Variants in BTBD16 observed in about 807,000 individuals in gnomAD.
BTBD16 encodes the protein BTB domain containing 16.
A neutral mutation model predicts 67.4 loss-of-function variants in BTBD16; 66 were observed. The ratio of observed to expected loss-of-function variants is 0.98; its 90% CI spans 0.80 to 1.20. The LOEUF is 1.20. Ranked by LOEUF, BTBD16 falls within the 50% of genes most tolerant of loss-of-function variation. BTBD16 has a pLI of 0.00. For synonymous variants in BTBD16, 242 were observed against 236.4 expected (o/e 1.02, Z -0.22); for missense variants, 634 against 616.0 (o/e 1.03, Z -0.31).
At chr10:122,284,673 A>AT (rs60823097) in intron 4 of BTBD16, among the ~76,000 whole-genome samples, 2,419 of 124,460 alleles carry the variant, frequency 0.019, 40 homozygotes, top group African/African-American at 0.046. Context: ...CTTAAAGTGG[A>AT]TTTTTTTTTT....
At chr10:122,291,054 T>G (rs758919125) in intron 6 of BTBD16, 26 bp from the exon 7 acceptor site, 6 of 1,601,064 alleles carry the variant, frequency 3.7e-6, no homozygotes, top group Non-Finnish European at 5.1e-6. Flanking sequence ...CCCACACAGA[T>G]GGCTCGCTTG....
chr10:122,305,756 T>G (rs1194753430), intron 9 of BTBD16, among the ~76,000 whole-genome samples: 1 of 152,206 alleles, frequency 6.6e-6, no homozygotes, highest in Non-Finnish European at 1.5e-5. Flanking sequence ...CACCATCAGG[T>G]AGGCCCTGTG....
chr10:122,294,144 C>G, intron 7 of BTBD16: 1 of 985,418 alleles, frequency 1.0e-6, no homozygotes, highest in Non-Finnish European at 1.2e-6. Context: ...GAGGCCAGGG[C>G]GGGCCTGCAC....
intron 11 of BTBD16, among the ~76,000 whole-genome samples, chr10:122,330,204 T>C (rs2133317514): frequency 6.6e-6 from 1 of 152,258 alleles, no homozygotes; most frequent in South Asian, 2.1e-4. Context: ...GATTACCTGA[T>C]CTCAAACCTC....
chr10:122,330,995 C>T (rs2096454166), intron 11 of BTBD16, among the ~76,000 whole-genome samples, 181 bp from the exon 12 acceptor site: 1 of 152,210 alleles, frequency 6.6e-6, no homozygotes, highest in Admixed American at 6.5e-5. Flanking sequence ...TGACTCTGAA[C>T]ATAACCACAG....
intron 1 of BTBD16, among the ~76,000 whole-genome samples, chr10:122,272,644 G>A (rs2096331317): frequency 6.6e-6 from 1 of 151,066 alleles, no homozygotes; most frequent in Admixed American, 6.6e-5. Context: ...CCTGGCCCCA[G>A]ATATGTTTTC....
Position 122,307,170 on chromosome 10 carries a change from A to G in BTBD16, c.792-19A>G, listed in dbSNP as rs1590074341. 1.3e-6 allele frequency: 2 copies of G among 1,574,932 alleles called. No individual in the cohort carries two copies. Among genetic ancestry groups the G allele is most frequent in the East Asian group, 2.3e-5 (1 of 43,450 alleles). On this transcript the variant is annotated intron_variant, in intron 9 of 15. Coordinates refer to ENST00000260723, the MANE Select transcript of BTBD16 (RefSeq NM_144587.5). ...GTGCTATTTCTGAAATTTCTTCTCA[A>G]TCTTTTTATTTTGGCCAGGTTATTT...
chr10:122,297,717 C>T lies in BTBD16; in HGVS notation c.591-51C>T, dbSNP rs1381723153. On this transcript the variant is annotated intron_variant, in intron 7 of 15. Coordinates refer to ENST00000260723, the MANE Select transcript of BTBD16 (RefSeq NM_144587.5). ...TGAGAATCTCTGGGACTTTCCGCTTCTCCAAAAGCAGTGTGGGGTTCCTCC... is the reference window on the plus strand; with the variant it reads ...TGAGAATCTCTGGGACTTTCCGCTTTTCCAAAAGCAGTGTGGGGTTCCTCC... 5 of 1,599,968 alleles carry T rather than the reference C, an allele frequency of 3.1e-6. No homozygotes were observed. The South Asian group carries it at 3.3e-5, about 11-fold the overall frequency.
intron 10 of BTBD16, among the ~76,000 whole-genome samples, chr10:122,324,691 G>C (rs984947311): frequency 1.4e-5 from 2 of 139,148 alleles, no homozygotes; most frequent in Admixed American, 1.7e-4. Flanking sequence ...TTCTTGCCTT[G>C]TTGTGTCTTC....
At chr10:122,323,638 G>A (rs1428021099) in intron 10 of BTBD16, among the ~76,000 whole-genome samples, 1 of 152,180 alleles carries the variant, frequency 6.6e-6, no homozygotes, top group African/African-American at 2.4e-5. Context: ...ATTGAAATGA[G>A]TGGCAGTTTG....
At chr10:122,275,352 C>T (rs1433221730) in intron 2 of BTBD16, among the ~76,000 whole-genome samples, 19 of 152,316 alleles carry the variant, frequency 1.2e-4, no homozygotes, top group Non-Finnish European at 5.9e-5. Flanking sequence ...TCAGATTCCA[C>T]AGTTTTTAAT....
intron 10 of BTBD16, among the ~76,000 whole-genome samples, chr10:122,309,480 G>T (rs888721980): frequency 3.3e-5 from 5 of 151,910 alleles, no homozygotes; most frequent in Admixed American, 2.0e-4. Context: ...GAGTAGCTGG[G>T]ACTACAGGCA....
chr10:122,277,006 A>G, intron 3 of BTBD16, 67 bp downstream of exon 3: 2 of 1,556,954 alleles, frequency 1.3e-6, no homozygotes, highest in Non-Finnish European at 1.7e-6. Context: ...GTGCCTGATG[A>G]CCGGGCCACT....
chr10:122,274,499 C>T (rs796313738), intron 1 of BTBD16, among the ~76,000 whole-genome samples: 10 of 150,120 alleles, frequency 6.7e-5, no homozygotes, highest in African/African-American at 2.5e-4. Context: ...TCTTAACCTC[C>T]CCGCAACCCC....
chr10:122,304,263 G>A (rs1029573218), intron 9 of BTBD16, among the ~76,000 whole-genome samples: 3 of 152,206 alleles, frequency 2.0e-5, no homozygotes, highest in Admixed American at 1.3e-4. Context: ...GAAAGAGACA[G>A]TTTTACTCTG....
In BTBD16 at chr10:122,329,514, A is replaced by G. The variant is rs1370524405; in HGVS notation, c.946A>G (p.Ile316Val). Residue 316 changes from isoleucine to valine, a missense_variant, in exon 11 of 16, where the codon ATA becomes GTA. Physicochemically the swap from Ile to Val is conservative, Grantham distance 29 (BLOSUM62 3). Transcript: ENST00000260723. ...PENCCFLDRDIGRSLRPLFLC... is the reference protein window; with the variant it reads ...PENCCFLDRDVGRSLRPLFLC... ...GAACTGTTGCTTTCTGGACCGGGAC[A>G]TAGGACGGAGCTTGAGGCCGCTCTT... The G allele has an allele frequency of 2.5e-6, 4 of 1,613,972 alleles. No individual in the cohort carries two copies. Among genetic ancestry groups the G allele is most frequent in the African/African-American group, 2.7e-5 (2 of 74,920 alleles).
intron 5 of BTBD16, 51 bp from the exon 6 acceptor site, chr10:122,289,858 C>T (rs1159397212): frequency 2.1e-6 from 3 of 1,453,676 alleles, no homozygotes; most frequent in Admixed American, 1.7e-5. Context: ...CCCACTGTGT[C>T]TTCACCACGG....
chr10:122,307,252 G>A lies in BTBD16; in HGVS notation c.855G>A (p.Leu285=). 2 of 1,610,182 alleles carry A rather than the reference G, an allele frequency of 1.2e-6. No individual in the cohort carries two copies. Among genetic ancestry groups the A allele is most frequent in the Non-Finnish European group, 1.7e-6 (2 of 1,178,774 alleles). The change falls in exon 10 of 16, where the codon CTG becomes CTA. Residue 285 remains leucine, a synonymous_variant. Transcript: ENST00000260723. ...KTMLLWVFLQ[L]NYKIQAIPTY... Reference sequence around the variant, plus strand: ...TGCTTTTGTGGGTCTTCTTGCAACTGAACTACAAGATTCAGGCAATTCCGA... The same window carrying A: ...TGCTTTTGTGGGTCTTCTTGCAACTAAACTACAAGATTCAGGCAATTCCGA...
At chr10:122,281,960 A>G (rs2096354127) in intron 3 of BTBD16, among the ~76,000 whole-genome samples, 1 of 152,220 alleles carries the variant, frequency 6.6e-6, no homozygotes, top group African/African-American at 2.4e-5. Flanking sequence ...CTGAGTCCCA[A>G]ACAGTGAGAC....
Sources: gnomAD v4.1 joint callset for allele counts (sites outside exome capture counted in the v4.1 genomes callset) on GRCh38, gnomAD v4.1.1 for gene constraint, MANE v1.5 for transcripts, NCBI Gene and HGNC (gene_info 2026-07-23, HGNC 2026-07-21) for gene names.